KIF26B: variants seen among roughly 807,000 people sequenced by gnomAD.
The protein encoded by KIF26B is kinesin-like protein KIF26B.
KIF26B carries 63 observed loss-of-function variants against 151.2 expected under a neutral mutation model. The ratio of observed to expected loss-of-function variants is 0.42; its 90% CI spans 0.34 to 0.51. KIF26B has a LOEUF of 0.51. Among genes scored for constraint, KIF26B ranks in the 20% least tolerant of loss-of-function variants. KIF26B has a pLI of 0.07. For missense variants in KIF26B, 2,813 were observed against 2,913.6 expected (o/e 0.97, Z 0.79); for synonymous variants, 1,357 against 1,262.1 (o/e 1.08, Z -1.59).
Position 245,698,792 on chromosome 1 carries a change from C to T in KIF26B, c.6028-95C>T, listed in dbSNP as rs547021489. ...TGTCCCTCCCACACGTCTCCAAGCC[C>T]AGCCTGTTTTCCATCAACGATACTC... is the stretch of plus-strand genomic sequence containing the variant. On this transcript the variant is annotated intron_variant, in intron 13 of 14. Transcript: ENST00000407071. This position sits in a 1 kb window ranked among gnomAD's most constrained non-coding sequence, Gnocchi z 4.0. 2.7e-6 allele frequency: 4 copies of T among 1,474,956 alleles called. No individual in the cohort carries two copies. The South Asian group carries it at 4.0e-5, about 15-fold the overall frequency. 91.4% of individuals were successfully genotyped at this position (1,474,956 alleles called of 1,614,324 possible).
At chr1:245,339,908 G>C (rs1010427475) in intron 2 of KIF26B, among the ~76,000 whole-genome samples, 1 of 152,118 alleles carries the variant, frequency 6.6e-6, no homozygotes, top group African/African-American at 2.4e-5. Flanking sequence ...TTCCCCATTG[G>C]GCCGTGTTGG....
chr1:245,361,514 A>G (rs760464083), intron 2 of KIF26B, among the ~76,000 whole-genome samples: 8 of 152,140 alleles, frequency 5.3e-5, no homozygotes, highest in Admixed American at 2.6e-4. Flanking sequence ...GATCACCATC[A>G]CTGGGTGAAG....
chr1:245,224,157 T>C (rs1573718312), intron 2 of KIF26B, among the ~76,000 whole-genome samples: 2 of 152,146 alleles, frequency 1.3e-5, no homozygotes, highest in South Asian at 4.2e-4. Flanking sequence ...TGGTGGCGCG[T>C]GCCTGTAATC....
At chr1:245,345,786 T>A (rs1305595747) in intron 2 of KIF26B, among the ~76,000 whole-genome samples, 1 of 152,122 alleles carries the variant, frequency 6.6e-6, no homozygotes, top group Non-Finnish European at 1.5e-5. Context: ...GCTCCCACTT[T>A]GCCTTCTGCC....
intron 2 of KIF26B, among the ~76,000 whole-genome samples, chr1:245,290,175 TTGAATGAATGAA>T (rs66484653): frequency 4.6e-5 from 2 of 43,424 alleles, no homozygotes; most frequent in African/African-American, 6.5e-5. Context: ...CAAACCTTTA[TTGAATGAATGAA>T]TGAATGAATG....
intron 9 of KIF26B, among the ~76,000 whole-genome samples, chr1:245,624,036 G>A (rs540437864): frequency 1.5e-4 from 23 of 152,044 alleles, no homozygotes; most frequent in Non-Finnish European, 4.4e-5. Flanking sequence ...TATGAGATCC[G>A]GTGGTTTAAG....
intron 6 of KIF26B, among the ~76,000 whole-genome samples, chr1:245,603,985 C>T (rs1252793676): frequency 6.6e-6 from 1 of 152,190 alleles, no homozygotes; most frequent in Non-Finnish European, 1.5e-5. Flanking sequence ...GCAACTAAAG[C>T]TGCTAGTAGA....
At chr1:245,277,364 C>G (rs983270386) in intron 2 of KIF26B, among the ~76,000 whole-genome samples, 2 of 152,176 alleles carry the variant, frequency 1.3e-5, no homozygotes, top group Non-Finnish European at 2.9e-5. Flanking sequence ...GTGAGCCCAC[C>G]TGTATCTACG....
intron 2 of KIF26B, among the ~76,000 whole-genome samples, chr1:245,340,605 G>T (rs1672315815): frequency 6.6e-6 from 1 of 152,152 alleles, no homozygotes; most frequent in Admixed American, 6.5e-5. Flanking sequence ...GCCCTACTGA[G>T]AGCCTACGAT....
At chr1:245,293,114 G>A (rs1456994987) in intron 2 of KIF26B, among the ~76,000 whole-genome samples, 1 of 152,192 alleles carries the variant, frequency 6.6e-6, no homozygotes, top group Non-Finnish European at 1.5e-5. Context: ...TCTTGTGTGT[G>A]TGTATGTGTG....
chr1:245,232,769 C>T (rs943022749), intron 2 of KIF26B, among the ~76,000 whole-genome samples: 3 of 152,122 alleles, frequency 2.0e-5, no homozygotes, highest in Non-Finnish European at 2.9e-5. Context: ...AGGCTGGTCT[C>T]GAACTCCCGA....
chr1:245,587,527 T>C (rs12410705), intron 5 of KIF26B, among the ~76,000 whole-genome samples: 10,251 of 152,248 alleles, frequency 0.067, 536 homozygotes, highest in East Asian at 0.2. Flanking sequence ...CCGGCCATTG[T>C]TCCGTCCCGT....
chr1:245,462,246 C>T (rs1392626840), intron 4 of KIF26B, among the ~76,000 whole-genome samples: 4 of 152,188 alleles, frequency 2.6e-5, no homozygotes. Context: ...GAGTTGACCT[C>T]ATTCCTCAGA....
chr1:245,267,234 A>G (rs1229599307), intron 2 of KIF26B, among the ~76,000 whole-genome samples: 1 of 152,224 alleles, frequency 6.6e-6, no homozygotes, highest in Non-Finnish European at 1.5e-5. Context: ...CTCTACTAAG[A>G]AAGTCAGCTG....
chr1:245,178,806 G>A (rs1170997839), intron 2 of KIF26B, among the ~76,000 whole-genome samples: 1 of 152,154 alleles, frequency 6.6e-6, no homozygotes, highest in Non-Finnish European at 1.5e-5. Flanking sequence ...CGCCTGTGAC[G>A]TGGGCTTGCC....
In KIF26B at chr1:245,602,560, C is replaced by T; in HGVS notation, c.1351-17C>T. The T allele has an allele frequency of 6.3e-7, 1 of 1,592,866 alleles. No individual in the cohort carries two copies. The highest frequency in any genetic ancestry group is 8.6e-7 in the Non-Finnish European group (1 of 1,168,070). On this transcript the variant is annotated splice_polypyrimidine_tract_variant and intron_variant, in intron 5 of 14. Transcript: ENST00000407071. The surrounding 1 kb of genome is among the most constrained non-coding windows in gnomAD (Gnocchi z 4.5). ...CAGCTGTCTTCATCCATGCTGTCGC[C>T]CATCTTTTCTTAACAGGTGAAAGTC...
At chr1:245,578,437 C>G (rs958795890) in intron 5 of KIF26B, among the ~76,000 whole-genome samples, 2 of 152,222 alleles carry the variant, frequency 1.3e-5, no homozygotes, top group Non-Finnish European at 2.9e-5. Context: ...CCAGTCTGCA[C>G]AGGGCTCCCT....
At position 245,367,885 on chromosome 1, in the gene KIF26B, A is replaced by G. The variant is rs770795336; in HGVS notation, c.999+518A>G. 6.6e-6 allele frequency among the ~76,000 whole-genome samples: 1 copy of G among 152,250 alleles called. No individual in the cohort carries two copies. Among genetic ancestry groups the G allele is most frequent in the Non-Finnish European group, 1.5e-5 (1 of 68,042 alleles). ...CATGACATGTAGGCCAACACCTGCC[A>G]TATAGTAGGGGATCATTGTTGTGCC... On this transcript the variant is annotated intron_variant, in intron 3 of 14. Transcript: ENST00000407071. This position sits in a 1 kb window ranked among gnomAD's most constrained non-coding sequence, Gnocchi z 4.2.
At chr1:245,291,780 G>A (rs1316870201) in intron 2 of KIF26B, among the ~76,000 whole-genome samples, 1 of 152,220 alleles carries the variant, frequency 6.6e-6, no homozygotes, top group Non-Finnish European at 1.5e-5. Context: ...AGGAAGGGGT[G>A]TTCTCGCCAT....
Sources: gnomAD v4.1 joint callset for allele counts (sites outside exome capture counted in the v4.1 genomes callset) on GRCh38, gnomAD v4.1.1 for gene constraint, Gnocchi (gnomAD v3.1) non-coding constraint, MANE v1.5 for transcripts, NCBI Gene and HGNC (gene_info 2026-07-23, HGNC 2026-07-21) for gene names.